Variants in CHST8 observed in about 807,000 individuals in gnomAD.
CHST8 encodes carbohydrate sulfotransferase 8.
Under a neutral mutation model 15.0 loss-of-function variants are expected in CHST8, and 10 were observed. The ratio of observed to expected loss-of-function variants is 0.67; its 90% CI spans 0.41 to 1.13. The LOEUF is 1.13. CHST8 is among the 50% of genes most tolerant of loss of function. The pLI is 0.00. For missense variants in CHST8, 634 were observed against 608.2 expected (o/e 1.04, Z -0.45); for synonymous variants, 259 against 256.6 (o/e 1.01, Z -0.09).
chr19:33,660,728 T>C (rs190105787), intron 1 of CHST8, among the ~76,000 whole-genome samples: 24 of 152,320 alleles, frequency 1.6e-4, no homozygotes, highest in African/African-American at 5.8e-4. Context: ...ACCTGCCTCC[T>C]TTCAATTTCA....
intron 3 of CHST8, among the ~76,000 whole-genome samples, chr19:33,739,062 C>T (rs1033502493): frequency 1.3e-5 from 2 of 152,186 alleles, no homozygotes; most frequent in Non-Finnish European, 2.9e-5. Flanking sequence ...CTCCCCCGCC[C>T]TCCTTCTGAA....
chr19:33,629,060 C>A (rs1190591267), intron 1 of CHST8, among the ~76,000 whole-genome samples: 1 of 152,194 alleles, frequency 6.6e-6, no homozygotes, highest in Non-Finnish European at 1.5e-5. Flanking sequence ...GGGCACTCGG[C>A]AAGTGACAGC....
At chr19:33,681,752 T>G (rs1333725889) in intron 2 of CHST8, among the ~76,000 whole-genome samples, 1 of 152,136 alleles carries the variant, frequency 6.6e-6, no homozygotes, top group African/African-American at 2.4e-5. Flanking sequence ...AAGATCAGAC[T>G]TAAGTGGAGG....
intron 3 of CHST8, among the ~76,000 whole-genome samples, chr19:33,760,481 G>C (rs935257152): frequency 4.7e-5 from 7 of 149,164 alleles, no homozygotes; most frequent in African/African-American, 1.5e-4. Flanking sequence ...CTGTGCCCAG[G>C]CTAATTTTTT....
At chr19:33,771,852 C>A in intron 4 of CHST8, 105 bp from the exon 5 acceptor site, 2 of 1,352,552 alleles carry the variant, frequency 1.5e-6, no homozygotes, top group Non-Finnish European at 2.0e-6. Context: ...GTCTCCCTCA[C>A]CTGAGAGGGA....
chr19:33,669,546 G>T (rs1293871759), intron 2 of CHST8, among the ~76,000 whole-genome samples: 1 of 152,138 alleles, frequency 6.6e-6, no homozygotes, highest in African/African-American at 2.4e-5. Flanking sequence ...TCACATGAGA[G>T]AAATTAGCAA....
In CHST8 at chr19:33,684,157, G is replaced by A. The variant is rs76133340; in HGVS notation, c.-86-5019G>A. On this transcript the variant is annotated intron_variant, in intron 2 of 4. Transcript: ENST00000650847. ...TGATGGTGGGAGGCCGGGCTGTGGT[G>A]CTCCTAGTAGGGCTATGGTGGCAAG... is the stretch of plus-strand genomic sequence containing the variant. 5.9e-3 allele frequency among the ~76,000 whole-genome samples: 903 copies of A among 152,312 alleles called. 6 individuals are homozygous for A. The highest frequency in any genetic ancestry group is 9.6e-3 in the Non-Finnish European group (650 of 68,026).
chr19:33,760,936 T>C (rs1433490373), intron 3 of CHST8, among the ~76,000 whole-genome samples: 1 of 152,162 alleles, frequency 6.6e-6, no homozygotes, highest in Non-Finnish European at 1.5e-5. Context: ...GACACTGTCA[T>C]CAGTACCTAA....
At chr19:33,643,939 T>G (rs60178395) in intron 1 of CHST8, among the ~76,000 whole-genome samples, 45,102 of 152,026 alleles carry the variant, frequency 0.3, 7,257 homozygotes, top group Non-Finnish European at 0.37. Context: ...ATTTATTAAT[T>G]TTTTATTTTT....
chr19:33,662,492 G>T (rs1453885106), intron 1 of CHST8, among the ~76,000 whole-genome samples: 1 of 152,196 alleles, frequency 6.6e-6, no homozygotes, highest in African/African-American at 2.4e-5. Flanking sequence ...CTGGCATGGG[G>T]GCCTTCCATG....
At chr19:33,770,393 G>GGACGA (rs1974951828) in intron 3 of CHST8, among the ~76,000 whole-genome samples, 1 of 152,174 alleles carries the variant, frequency 6.6e-6, no homozygotes, top group East Asian at 1.9e-4. Flanking sequence ...CAGAGCCTCA[G>GGACGA]GACGAAAATG....
intron 3 of CHST8, among the ~76,000 whole-genome samples, chr19:33,763,885 A>C (rs958610244): frequency 1.1e-4 from 16 of 145,930 alleles, no homozygotes; most frequent in African/African-American, 3.7e-4. Context: ...GAGGAGCCAG[A>C]GAAGGTGTGG....
intron 1 of CHST8, among the ~76,000 whole-genome samples, chr19:33,627,868 T>G (rs181801441): frequency 1.2e-4 from 18 of 152,294 alleles, no homozygotes; most frequent in Admixed American, 6.5e-4. Flanking sequence ...GTCCCTGCCC[T>G]TGTGAGTTAG....
In CHST8 at chr19:33,772,109, C is replaced by T; in HGVS notation, c.321C>T (p.Leu107=). 2.5e-6 allele frequency: 4 copies of T among 1,611,302 alleles called. No homozygotes were observed. In the South Asian group the frequency reaches 4.4e-5, roughly 18 times the overall value. Residue 107 remains leucine, a synonymous_variant, in exon 5 of 5, where the codon CTC becomes CTT. Coordinates refer to ENST00000650847, the MANE Select transcript of CHST8 (RefSeq NM_001127895.2). ...TGCAGAGGGGAACCCGTCTGCGGCT[C>T]CGCCAGCGCCGTCGCCGTCTGCTCA... ...PPLQRGTRLR[L]RQRRRRLLIK...
intron 1 of CHST8, among the ~76,000 whole-genome samples, chr19:33,631,044 A>G (rs1008767310): frequency 3.3e-5 from 5 of 152,112 alleles, no homozygotes; most frequent in African/African-American, 1.2e-4. Context: ...TGTCTACACT[A>G]GTTGGAATCA....
chr19:33,738,964 G>A (rs1358679081), intron 3 of CHST8, among the ~76,000 whole-genome samples: 2 of 152,116 alleles, frequency 1.3e-5, no homozygotes, highest in African/African-American at 4.8e-5. Context: ...GGAGGATATT[G>A]CCAGGATTAA....
intron 3 of CHST8, among the ~76,000 whole-genome samples, chr19:33,765,554 T>TGTGTGA (rs1568362712): frequency 1.3e-4 from 13 of 102,802 alleles, no homozygotes; most frequent in African/African-American, 4.7e-4. Flanking sequence ...TGTGTGTGTG[T>TGTGTGA]CAGAGAGAGA....
chr19:33,743,631 T>C (rs577175563), intron 3 of CHST8, among the ~76,000 whole-genome samples: 34 of 152,082 alleles, frequency 2.2e-4, no homozygotes, highest in African/African-American at 5.3e-4. Context: ...CCCTGCTTCA[T>C]TGAGTGTGGG....
chr19:33,640,626 T>C lies in CHST8; in HGVS notation c.-164+18330T>C, dbSNP rs982450617. The stretch of plus-strand genomic sequence containing the variant: ...TATGAATAAATTAGACTCTTAACTT[T>C]TTTATGTTATTACAAAATTGAAATG... On this transcript the variant is annotated intron_variant, in intron 1 of 4. Transcript: ENST00000650847. 1.0e-4 allele frequency among the ~76,000 whole-genome samples: 16 copies of C among 152,384 alleles called. No homozygotes were observed. In the Middle Eastern group the frequency reaches 0.01, roughly 97 times the overall value.
Sources: gnomAD v4.1 joint callset for allele counts (sites outside exome capture counted in the v4.1 genomes callset) on GRCh38, gnomAD v4.1.1 for gene constraint, MANE v1.5 for transcripts, NCBI Gene and HGNC (gene_info 2026-07-23, HGNC 2026-07-21) for gene names.